CHRNA4: variants seen among roughly 807,000 people sequenced by gnomAD.
The protein encoded by CHRNA4 is neuronal acetylcholine receptor subunit alpha-4.
A neutral mutation model predicts 48.9 loss-of-function variants in CHRNA4; 28 were observed. The observed-to-expected ratio is 0.57, with a 90% CI of 0.42 to 0.79. The LOEUF (loss-of-function observed/expected upper bound fraction) is 0.79. Ranked by LOEUF, CHRNA4 falls within the 30% of genes least tolerant of loss-of-function variation. CHRNA4 has a pLI of 0.00. For synonymous variants in CHRNA4, 425 were observed against 402.3 expected (o/e 1.06, Z -0.68); for missense variants, 859 against 898.4 (o/e 0.96, Z 0.56).
chr20:63,358,397 G>A (rs2068751308), intron 2 of CHRNA4, among the ~76,000 whole-genome samples: 1 of 152,206 alleles, frequency 6.6e-6, no homozygotes, highest in South Asian at 2.1e-4. Flanking sequence ...CAACACGCAC[G>A]GCACCAGCCT....
chr20:63,343,882 T>C lies in CHRNA4; in HGVS notation c.*2856A>G, dbSNP rs990761243. The C allele has an allele frequency of 1.3e-5, 6 of 454,068 alleles. No individual in the cohort carries two copies. Among genetic ancestry groups the C allele is most frequent in the African/African-American group, 1.2e-4 (6 of 50,096 alleles). 28.1% of individuals were successfully genotyped at this position (454,068 alleles called of 1,614,324 possible). A position where few individuals can be genotyped will look rare whatever the true frequency, so the allele number is the denominator to read the frequency against. On this transcript the variant is annotated 3_prime_UTR_variant, in exon 6 of 6. Coordinates refer to ENST00000370263, the MANE Select transcript of CHRNA4 (RefSeq NM_000744.7). ...GTCGGGGGTCACAGCCCTGGCAAGGTGGGTTCTAGGCAAGCTGTCCACCCC... is the reference window on the plus strand; with the variant it reads ...GTCGGGGGTCACAGCCCTGGCAAGGCGGGTTCTAGGCAAGCTGTCCACCCC...
intron 3 of CHRNA4, 132 bp downstream of exon 3, chr20:63,356,239 G>A: frequency 1.3e-6 from 1 of 783,354 alleles, no homozygotes; most frequent in Non-Finnish European, 2.0e-6. Context: ...CCAGGGTGGG[G>A]CAGCAGGGTG....
intron 4 of CHRNA4, among the ~76,000 whole-genome samples, chr20:63,352,218 G>A (rs1460538206): frequency 6.6e-6 from 1 of 152,208 alleles, no homozygotes; most frequent in African/African-American, 2.4e-5. Flanking sequence ...CTTGGGCAGA[G>A]CTGGCGACTG....
At chr20:63,354,586 TGGG>T in intron 4 of CHRNA4, 11 of 381,364 alleles carry the variant, frequency 2.9e-5, no homozygotes, top group Non-Finnish European at 3.4e-5. Context: ...GCTGTGGAAG[TGGG>T]GGGGGCTGCA....
Position 63,360,309 on chromosome 20 carries a change from G to C in CHRNA4, c.77-610C>G, listed in dbSNP as rs45509292. On this transcript the variant is annotated intron_variant, in intron 1 of 5. Transcript: ENST00000370263. ...CTGGTTCATCAATCCCCTGATGCCC[G>C]AGGAGTGTTTCAGATGCAGACCCCA... 6.8e-4 allele frequency: 112 copies of C among 163,914 alleles called. No homozygotes were observed. In the East Asian group the frequency reaches 0.019, roughly 28 times the overall value. The allele number at this position is 163,914 out of a possible 1,614,324, so 10.2% of individuals were successfully genotyped here.
rs149936966 is a variant in CHRNA4, at chr20:63,355,995, C to G, written c.363G>C (p.Pro121=). The G allele has an allele frequency of 6.2e-6, 10 of 1,611,382 alleles. No individual in the cohort carries two copies. The highest frequency in any genetic ancestry group is 8.5e-6 in the Non-Finnish European group (10 of 1,179,420). The change falls in exon 4 of 6, where the codon CCG becomes CCC. Residue 121 remains proline (P), a synonymous_variant. Transcript: ENST00000370263. ...IRIPSELIWR[P]DIVLYNNADG... ...CTCACTTGTTGTAGAGGACGATGTC[C>G]GGCCGCCAGATGAGCTCGGAGGGGA...
In CHRNA4 at chr20:63,343,557, G is replaced by A. The variant is rs114751930; in HGVS notation, c.*3181C>T. 1.1e-3 allele frequency: 511 copies of A among 453,782 alleles called. 5 individuals are homozygous for A. Among genetic ancestry groups the A allele is most frequent in the African/African-American group, 9.2e-3 (460 of 50,074 alleles). The allele number at this position is 453,782 out of a possible 1,614,324, so 28.1% of individuals were successfully genotyped here. ...CCGGCCTTAACTTACAAGGGAGCCT[G>A]AGTGACAACTCCGGAGGCCAGCCAT... On this transcript the variant is annotated 3_prime_UTR_variant, in exon 6 of 6. Transcript: ENST00000370263.
rs1190174061 is a variant in CHRNA4, at chr20:63,343,771, G to C, written c.*2967C>G. 4.4e-6 allele frequency: 2 copies of C among 453,774 alleles called. No homozygotes were observed. Among genetic ancestry groups the C allele is most frequent in the Non-Finnish European group, 8.8e-6 (2 of 226,466 alleles). The allele number at this position is 453,774 out of a possible 1,614,324, so 28.1% of individuals were successfully genotyped here. The stretch of plus-strand genomic sequence containing the variant: ...CGCAGAGGGGCCGGCGCCCCGGCAG[G>C]CTTCGAGCTGCAGCAGTGTCTCCCG... On this transcript the variant is annotated 3_prime_UTR_variant, in exon 6 of 6. Coordinates refer to ENST00000370263, the MANE Select transcript of CHRNA4 (RefSeq NM_000744.7).
chr20:63,354,586 TGG>T, intron 4 of CHRNA4: 12 of 381,376 alleles, frequency 3.1e-5, no homozygotes, highest in Non-Finnish European at 3.7e-5. Context: ...GCTGTGGAAG[TGG>T]GGGGGGCTGC....
chr20:63,346,075 G>C lies in CHRNA4; in HGVS notation c.*663C>G. On this transcript the variant is annotated 3_prime_UTR_variant, in exon 6 of 6. Coordinates refer to ENST00000370263, the MANE Select transcript of CHRNA4 (RefSeq NM_000744.7). Reference sequence around the variant, plus strand: ...TGGGCCTCCCGATTCTCCCCACGCGGAACCAGCTCCACAAAACTCTGTTCT... The same window carrying C: ...TGGGCCTCCCGATTCTCCCCACGCGCAACCAGCTCCACAAAACTCTGTTCT... 2.2e-6 allele frequency: 1 copy of C among 454,020 alleles called. No individual in the cohort carries two copies. The highest frequency in any genetic ancestry group is 4.4e-6 in the Non-Finnish European group (1 of 226,728). The allele number at this position is 454,020 out of a possible 1,614,324, so 28.1% of individuals were successfully genotyped here.
chr20:63,346,214 C>T lies in CHRNA4; in HGVS notation c.*524G>A, dbSNP rs747687002. The T allele has an allele frequency of 4.2e-5, 19 of 454,394 alleles. No individual in the cohort carries two copies. Among genetic ancestry groups the T allele is most frequent in the South Asian group, 2.8e-4 (18 of 64,458 alleles). 28.1% of individuals were successfully genotyped at this position (454,394 alleles called of 1,614,324 possible). On this transcript the variant is annotated 3_prime_UTR_variant, in exon 6 of 6. Transcript: ENST00000370263. The stretch of plus-strand genomic sequence containing the variant: ...GAAGCAGATTGGAGCGCTGCTGGCT[C>T]ACCCTCATGGGGCCCGAGAGGCTCA...
chr20:63,353,570 G>T (rs1243857171), intron 4 of CHRNA4, among the ~76,000 whole-genome samples: 1 of 118,028 alleles, frequency 8.5e-6, no homozygotes, highest in African/African-American at 3.3e-5. Flanking sequence ...GTGGTCCTGG[G>T]GGGGCTGCGG....
At chr20:63,354,626 G>A in intron 4 of CHRNA4, 1 of 487,064 alleles carries the variant, frequency 2.1e-6, no homozygotes, top group Non-Finnish European at 2.6e-6. Flanking sequence ...GGTCCTGGGG[G>A]TTTGAGGTCA....
intron 2 of CHRNA4, among the ~76,000 whole-genome samples, chr20:63,358,896 C>T (rs1226785490): frequency 2.6e-5 from 4 of 152,126 alleles, no homozygotes; most frequent in South Asian, 2.1e-4. Flanking sequence ...AGCACAAGGC[C>T]GAGCCTCCCG....
chr20:63,345,373 C>T lies in CHRNA4; in HGVS notation c.*1365G>A, dbSNP rs1468613694. The stretch of plus-strand genomic sequence containing the variant: ...CAGGCAGGGGACACGCCATCCTGGC[C>T]CCGCCCCTCTGGGCCCTTGGAATCA... On this transcript the variant is annotated 3_prime_UTR_variant, in exon 6 of 6. Transcript: ENST00000370263. This position sits in a 1 kb window ranked among gnomAD's most constrained non-coding sequence, Gnocchi z 5.4. 4.6e-6 allele frequency: 2 copies of T among 436,366 alleles called. No homozygotes were observed. The highest frequency in any genetic ancestry group is 1.4e-4 in the East Asian group (2 of 14,088). 27.0% of individuals were successfully genotyped at this position (436,366 alleles called of 1,614,324 possible).
chr20:63,356,992 C>CGACCACATCACCATG (rs6147409), intron 2 of CHRNA4, among the ~76,000 whole-genome samples: 58 of 143,866 alleles, frequency 4.0e-4, no homozygotes, highest in Admixed American at 7.5e-4. Context: ...ACGTCCCCAC[C>CGACCACATCACCATG]GACCACATCT....
chr20:63,359,409 G>T, intron 2 of CHRNA4, 139 bp downstream of exon 2: 1 of 1,117,066 alleles, frequency 9.0e-7, no homozygotes, highest in Non-Finnish European at 1.3e-6. Context: ...GGTGGCTGTC[G>T]TTCTGACGTA....
rs45543134 is a variant in CHRNA4 at position 63,343,634 on chromosome 20, C to A, written c.*3104G>T. 0.1 allele frequency: 45,669 copies of A among 452,430 alleles called. 2,883 individuals carry two copies. The highest frequency in any genetic ancestry group is 0.16 in the South Asian group (10,611 of 64,434). The allele number at this position is 452,430 out of a possible 1,614,324, so 28.0% of individuals were successfully genotyped here. On this transcript the variant is annotated 3_prime_UTR_variant, in exon 6 of 6. Coordinates refer to ENST00000370263, the MANE Select transcript of CHRNA4 (RefSeq NM_000744.7). Reference sequence around the variant, plus strand: ...GAGGGCCACGTCGCCCCAGGCCGGGCCACACGGGAAGCACCCAGGCCGGTC... The same window carrying A: ...GAGGGCCACGTCGCCCCAGGCCGGGACACACGGGAAGCACCCAGGCCGGTC...
At chr20:63,361,068 C>T (rs1326466928) in intron 1 of CHRNA4, 22 bp downstream of exon 1, 4 of 1,432,186 alleles carry the variant, frequency 2.8e-6, no homozygotes, top group Non-Finnish European at 3.7e-6. Flanking sequence ...AAAGGGGGCC[C>T]ATCCCGCGCC....
Sources: gnomAD v4.1 joint callset for allele counts (sites outside exome capture counted in the v4.1 genomes callset) on GRCh38, gnomAD v4.1.1 for gene constraint, Gnocchi (gnomAD v3.1) non-coding constraint, MANE v1.5 for transcripts, NCBI Gene and HGNC (gene_info 2026-07-23, HGNC 2026-07-21) for gene names.